NAALADL2: variants seen among roughly 807,000 people sequenced by gnomAD.
NAALADL2 encodes the protein inactive N-acetylated-alpha-linked acidic dipeptidase-like protein 2.
NAALADL2 carries 76 observed loss-of-function variants against 87.2 expected under a neutral mutation model. That is an observed-to-expected ratio of 0.87 (90% CI 0.72 to 1.05). NAALADL2 has a LOEUF of 1.05. Ranked by LOEUF, NAALADL2 falls within the 50% of genes least tolerant of loss-of-function variation. NAALADL2 has a pLI of 0.00. For missense variants in NAALADL2, 1,089 were observed against 945.8 expected (o/e 1.15, Z -1.99); for synonymous variants, 354 against 331.0 (o/e 1.07, Z -0.75).
intron 1 of NAALADL2, among the ~76,000 whole-genome samples, chr3:174,920,951 G>T (rs1041732700): frequency 2.0e-5 from 3 of 152,132 alleles, no homozygotes; most frequent in African/African-American, 7.2e-5. Flanking sequence ...CTCAGAACAC[G>T]GTCAGCATTT....
intron 3 of NAALADL2, among the ~76,000 whole-genome samples, chr3:174,758,896 T>G (rs754370715): frequency 1.3e-5 from 2 of 152,234 alleles, no homozygotes; most frequent in African/African-American, 2.4e-5. Flanking sequence ...GTGAGATTAA[T>G]TCTTTCCTAG....
intron 5 of NAALADL2, among the ~76,000 whole-genome samples, chr3:175,345,489 G>A (rs1028204030): frequency 3.3e-5 from 5 of 152,142 alleles, no homozygotes; most frequent in Non-Finnish European, 7.4e-5. Flanking sequence ...GAATGAGCGT[G>A]TGATGCAAAG....
At chr3:175,008,975 C>A (rs555320348) in intron 1 of NAALADL2, among the ~76,000 whole-genome samples, 22 of 152,270 alleles carry the variant, frequency 1.4e-4, no homozygotes, top group Admixed American at 1.3e-3. Context: ...AAAGACAAAT[C>A]TAAATGTAAC....
rs199927384 is a variant in NAALADL2 at position 175,591,443 on chromosome 3, TA to T, written c.1800+15258del. Among the ~76,000 whole-genome samples, 743 of 148,730 alleles carry T rather than the reference TA, an allele frequency of 5.0e-3. 3 individuals are homozygous for T. The highest frequency in any genetic ancestry group is 0.01 in the South Asian group (49 of 4,762). On this transcript the variant is annotated intron_variant, in intron 10 of 13. Transcript: ENST00000454872. ...ACAAATGTGGTTTGTTAACAGAAAA[TA>T]ATTTTTTTTTTATTTCTTAAAAATG...
At chr3:174,875,592 C>T (rs1370958726) in intron 1 of NAALADL2, among the ~76,000 whole-genome samples, 5 of 152,074 alleles carry the variant, frequency 3.3e-5, no homozygotes, top group Non-Finnish European at 7.4e-5. Context: ...ATTCACTTTA[C>T]ATCCTAATAT....
At chr3:174,808,536 A>G (rs898138359) in intron 3 of NAALADL2, among the ~76,000 whole-genome samples, 37 of 152,276 alleles carry the variant, frequency 2.4e-4, no homozygotes, top group African/African-American at 8.2e-4. Context: ...AATGCTGCCA[A>G]AAAGTCAATA....
intron 2 of NAALADL2, among the ~76,000 whole-genome samples, chr3:175,197,222 G>C (rs1739151979): frequency 6.6e-6 from 1 of 151,962 alleles, no homozygotes; most frequent in Non-Finnish European, 1.5e-5. Flanking sequence ...GTCTGCATAT[G>C]TCTGTATTTG....
Position 174,524,477 on chromosome 3 carries a change from T to A in NAALADL2, c.-183-26092T>A, listed in dbSNP as rs570756367. On this transcript the variant is annotated intron_variant, in intron 1 of 3. Coordinates refer to the NAALADL2 transcript ENST00000434257. ...CAGGAAGCTCTATGAATTCAAATAA[T>A]GTCTTAATACACCTTATGTAACAAT... is the stretch of plus-strand genomic sequence containing the variant. Among the ~76,000 whole-genome samples the A allele has an allele frequency of 1.4e-4, 22 of 152,262 alleles. No individual in the cohort carries two copies. In the South Asian group the frequency reaches 2.7e-3, roughly 19 times the overall value.
At chr3:174,497,099 A>G (rs1372825945) in intron 1 of NAALADL2, among the ~76,000 whole-genome samples, 1 of 152,162 alleles carries the variant, frequency 6.6e-6, no homozygotes, top group Non-Finnish European at 1.5e-5. Context: ...TTTTGCCAAA[A>G]CATTTTAATA....
chr3:174,882,710 T>C (rs1729489536), intron 1 of NAALADL2, among the ~76,000 whole-genome samples: 4 of 136,536 alleles, frequency 2.9e-5, no homozygotes, highest in Admixed American at 2.8e-4. Context: ...CATGTGTATC[T>C]ACACATATAT....
intron 3 of NAALADL2, among the ~76,000 whole-genome samples, chr3:174,750,411 T>TCTG (rs1734707078): frequency 6.6e-6 from 1 of 151,044 alleles, no homozygotes; most frequent in South Asian, 2.1e-4. Flanking sequence ...TTCTTCTTCT[T>TCTG]CTTCTTCTTC....
intron 4 of NAALADL2, among the ~76,000 whole-genome samples, chr3:175,278,743 T>A (rs1753907039): frequency 6.6e-6 from 1 of 152,152 alleles, no homozygotes; most frequent in Admixed American, 6.5e-5. Flanking sequence ...GTCGATAAAC[T>A]GAGGGAGGGC....
At chr3:175,290,242 G>A (rs986813192) in intron 4 of NAALADL2, among the ~76,000 whole-genome samples, 2 of 152,122 alleles carry the variant, frequency 1.3e-5, no homozygotes, top group African/African-American at 2.4e-5. Context: ...ATTCATAAAA[G>A]CCCCATACTG....
intron 1 of NAALADL2, among the ~76,000 whole-genome samples, chr3:174,524,198 T>G (rs749820267): frequency 2.0e-5 from 3 of 152,212 alleles, no homozygotes; most frequent in Non-Finnish European, 4.4e-5. Flanking sequence ...ACCTCTTTAT[T>G]TAATGACTAA....
chr3:174,921,765 G>T (rs1442937765), intron 1 of NAALADL2, among the ~76,000 whole-genome samples: 1 of 142,556 alleles, frequency 7.0e-6, no homozygotes, highest in Non-Finnish European at 1.5e-5. Flanking sequence ...AGATTGTGCC[G>T]TTGCACTCTG....
intron 1 of NAALADL2, among the ~76,000 whole-genome samples, chr3:175,043,199 T>A (rs80068730): frequency 0.011 from 1,677 of 152,282 alleles, 30 homozygotes; most frequent in African/African-American, 0.038. Context: ...TGCCCATTTT[T>A]AAAATATGGT....
intron 9 of NAALADL2, among the ~76,000 whole-genome samples, chr3:175,483,890 C>T (rs1483477859): frequency 5.9e-5 from 9 of 152,064 alleles, no homozygotes. Context: ...CTAAATACAT[C>T]TTTATATATT....
At chr3:175,635,942 T>TA (rs1426886742) in intron 11 of NAALADL2, among the ~76,000 whole-genome samples, 3 of 152,006 alleles carry the variant, frequency 2.0e-5, no homozygotes, top group Non-Finnish European at 2.9e-5. Context: ...AATCCCTACT[T>TA]AAAAAAATCA....
chr3:175,225,638 A>G (rs1744047059), intron 2 of NAALADL2, among the ~76,000 whole-genome samples: 1 of 152,042 alleles, frequency 6.6e-6, no homozygotes, highest in South Asian at 2.1e-4. Context: ...ATCTTATCAA[A>G]ATGGAAAAAC....
Sources: gnomAD v4.1 joint callset for allele counts (sites outside exome capture counted in the v4.1 genomes callset) on GRCh38, gnomAD v4.1.1 for gene constraint, MANE v1.5 for transcripts, NCBI Gene and HGNC (gene_info 2026-07-23, HGNC 2026-07-21) for gene names.